Variants in KDM7A observed in about 807,000 individuals in gnomAD.
KDM7A encodes the protein lysine-specific demethylase 7A.
A neutral mutation model predicts 114.8 loss-of-function variants in KDM7A; 28 were observed. The observed-to-expected ratio is 0.24, with a 90% CI of 0.18 to 0.33. The LOEUF is 0.33. Among genes scored for constraint, KDM7A ranks in the 10% least tolerant of loss-of-function variants. The probability of loss-of-function intolerance (pLI) is 1.00; values close to 1 mark genes in which losing one functional copy is unlikely to be tolerated. For synonymous variants in KDM7A, 423 were observed against 397.8 expected, an observed-to-expected ratio of 1.06 and a Z score of -0.75; for missense variants, 942 against 1,142.5, an observed-to-expected ratio of 0.82 and a Z score of 2.53.
chr7:140,140,983 A>G (rs968545028), intron 1 of KDM7A, among the ~76,000 whole-genome samples: 4 of 152,196 alleles, frequency 2.6e-5, no homozygotes, highest in African/African-American at 7.2e-5. Context: ...AAATATTAGT[A>G]TATTAAAAAT....
intron 9 of KDM7A, among the ~76,000 whole-genome samples, chr7:140,115,790 TAAAAAAATAAATTTA>T (rs1818516791): frequency 1.1e-5 from 1 of 92,856 alleles, no homozygotes; most frequent in Non-Finnish European, 2.3e-5. Flanking sequence ...GAATTATCAA[TAAAAAAATAAATTTA>T]AAAAAAATAA....
rs1306457080 is a variant in KDM7A at position 140,099,052 on chromosome 7, G to C, written c.1764-19C>G. 2 of 1,592,408 alleles carry C rather than the reference G, an allele frequency of 1.3e-6. No homozygotes were observed. The highest frequency in any genetic ancestry group is 1.7e-6 in the Non-Finnish European group (2 of 1,167,394). On this transcript the variant is annotated intron_variant, in intron 13 of 19. Coordinates refer to ENST00000397560, the MANE Select transcript of KDM7A (RefSeq NM_030647.2). Reference sequence around the variant, plus strand: ...TTCATCTCTGTATTAAGAAGGAAAAGTAATCAGAATATAGTGCAAGACTCT... The same window carrying C: ...TTCATCTCTGTATTAAGAAGGAAAACTAATCAGAATATAGTGCAAGACTCT...
At chr7:140,153,919 G>C (rs1167810531) in intron 1 of KDM7A, among the ~76,000 whole-genome samples, 1 of 152,138 alleles carries the variant, frequency 6.6e-6, no homozygotes, top group South Asian at 2.1e-4. Context: ...GGTCATGTAA[G>C]TTTATTACTG....
intron 18 of KDM7A, among the ~76,000 whole-genome samples, chr7:140,092,629 TGA>T (rs1223226907): frequency 1.3e-5 from 2 of 152,146 alleles, no homozygotes; most frequent in African/African-American, 4.8e-5. Flanking sequence ...TACTGATTGA[TGA>T]GTCTTGAAAT....
Position 140,176,621 on chromosome 7 carries a change from G to C in KDM7A, c.194+123C>G. ...GCCCGGCCGGGGGGCTAGGCACCGG[G>C]GCCCCCTGAAAGCTGGGCGCGGCGC... is the stretch of plus-strand genomic sequence containing the variant. On this transcript the variant is annotated intron_variant, in intron 1 of 19. Coordinates refer to ENST00000397560, the MANE Select transcript of KDM7A (RefSeq NM_030647.2). This position sits in a 1 kb window ranked among gnomAD's most constrained non-coding sequence, Gnocchi z 4.4. The C allele has an allele frequency of 2.9e-6, 2 of 697,266 alleles. No individual in the cohort carries two copies. The highest frequency in any genetic ancestry group is 1.2e-4 in the South Asian group (2 of 16,596). 43.2% of individuals were successfully genotyped at this position (697,266 alleles called of 1,614,324 possible). A position where few individuals can be genotyped will look rare whatever the true frequency, so the allele number is the denominator to read the frequency against.
At chr7:140,167,164 T>C (rs1232558517) in intron 1 of KDM7A, among the ~76,000 whole-genome samples, 1 of 152,186 alleles carries the variant, frequency 6.6e-6, no homozygotes, top group East Asian at 1.9e-4. Flanking sequence ...TCAATATTAT[T>C]AACATATCAG....
intron 10 of KDM7A, among the ~76,000 whole-genome samples, chr7:140,113,114 C>A (rs989142720): frequency 6.6e-6 from 1 of 152,166 alleles, no homozygotes; most frequent in African/African-American, 2.4e-5. Context: ...ACCAACAGCA[C>A]CTAGACCTCA....
chr7:140,142,609 G>A (rs1053603587), intron 1 of KDM7A, among the ~76,000 whole-genome samples: 5 of 152,138 alleles, frequency 3.3e-5, no homozygotes, highest in Non-Finnish European at 5.9e-5. Flanking sequence ...AAAGCCTGAT[G>A]ATACCATGTG....
At chr7:140,119,030 G>A in intron 9 of KDM7A, 83 bp downstream of exon 9, 1 of 749,426 alleles carries the variant, frequency 1.3e-6, no homozygotes, top group Non-Finnish European at 2.2e-6. Flanking sequence ...ACTAGAAAAG[G>A]GACTCTTTCT....
chr7:140,119,329 A>C (rs773020061), intron 8 of KDM7A, 110 bp from the exon 9 acceptor site: 31 of 544,458 alleles, frequency 5.7e-5, no homozygotes, highest in Non-Finnish European at 9.4e-5. Context: ...AGACCAATAA[A>C]GTATTTTACA....
Position 140,084,819 on chromosome 7 carries a change from C to G in KDM7A, c.*6275G>C, listed in dbSNP as rs1014042299. The G allele has an allele frequency of 3.3e-5, 5 of 152,012 alleles. No homozygotes were observed. The highest frequency in any genetic ancestry group is 1.2e-4 in the African/African-American group (5 of 41,348). The allele number at this position is 152,012 out of a possible 1,614,324, so 9.4% of individuals were successfully genotyped here. ...AATTTTCAACATTTATACTTTCAAA[C>G]AAAATGAGCAAAAAATACACTAAGT... On this transcript the variant is annotated 3_prime_UTR_variant, in exon 20 of 20. Transcript: ENST00000397560.
intron 15 of KDM7A, among the ~76,000 whole-genome samples, chr7:140,097,311 C>A (rs929692448): frequency 1.1e-4 from 17 of 152,042 alleles, no homozygotes; most frequent in Non-Finnish European, 2.5e-4. Flanking sequence ...ATAGTATAAG[C>A]AAAGGAGTCT....
chr7:140,141,424 C>A (rs566458690), intron 1 of KDM7A, among the ~76,000 whole-genome samples: 5 of 152,068 alleles, frequency 3.3e-5, no homozygotes, highest in African/African-American at 1.2e-4. Flanking sequence ...GGAATCAAGG[C>A]AATATGAAAC....
At chr7:140,175,394 A>G (rs1266174258) in intron 1 of KDM7A, among the ~76,000 whole-genome samples, 1 of 152,102 alleles carries the variant, frequency 6.6e-6, no homozygotes, top group Non-Finnish European at 1.5e-5. Context: ...CTGTATTTAA[A>G]TGTCCTGCTG....
At chr7:140,174,695 G>T (rs1431824702) in intron 1 of KDM7A, among the ~76,000 whole-genome samples, 1 of 152,110 alleles carries the variant, frequency 6.6e-6, no homozygotes, top group Non-Finnish European at 1.5e-5. Flanking sequence ...CCGCTTCCCG[G>T]GTTCAAAAGA....
At chr7:140,164,779 T>C (rs1049879010) in intron 1 of KDM7A, among the ~76,000 whole-genome samples, 7 of 152,210 alleles carry the variant, frequency 4.6e-5, no homozygotes, top group African/African-American at 1.7e-4. Flanking sequence ...TATCAGGAAT[T>C]TGCTTCAAAG....
chr7:140,142,513 T>A (rs1419837054), intron 1 of KDM7A, among the ~76,000 whole-genome samples: 1 of 151,486 alleles, frequency 6.6e-6, no homozygotes, highest in Non-Finnish European at 1.5e-5. Flanking sequence ...CATAAAAACG[T>A]GTACAACCTC....
intron 1 of KDM7A, among the ~76,000 whole-genome samples, chr7:140,157,290 T>G (rs1794467449): frequency 6.6e-6 from 1 of 152,364 alleles, no homozygotes; most frequent in East Asian, 1.9e-4. Flanking sequence ...CCACTGAGGG[T>G]AGCCTCAGCT....
chr7:140,132,990 G>A (rs1818814137), intron 3 of KDM7A, among the ~76,000 whole-genome samples: 1 of 152,174 alleles, frequency 6.6e-6, no homozygotes, highest in Non-Finnish European at 1.5e-5. Flanking sequence ...AAATTAGCAT[G>A]ATTAAATGCT....
Sources: gnomAD v4.1 joint callset for allele counts (sites outside exome capture counted in the v4.1 genomes callset) on GRCh38, gnomAD v4.1.1 for gene constraint, Gnocchi (gnomAD v3.1) non-coding constraint, MANE v1.5 for transcripts, NCBI Gene and HGNC (gene_info 2026-07-23, HGNC 2026-07-21) for gene names.